The following FAM50A variants were observed in gnomAD, a reference collection of about 807,000 sequenced individuals.
The protein encoded by FAM50A is family with sequence similarity 50 member A.
A neutral mutation model predicts 35.5 loss-of-function variants in FAM50A; 6 were observed. The observed-to-expected ratio is 0.17, with a 90% CI of 0.09 to 0.33. The LOEUF (loss-of-function observed/expected upper bound fraction) is 0.33. FAM50A is among the 10% of genes least tolerant of loss of function. FAM50A has a pLI of 1.00. For missense variants in FAM50A, 145 were observed against 295.5 expected, an observed-to-expected ratio of 0.49 and a Z score of 3.73; for synonymous variants, 120 against 110.9, an observed-to-expected ratio of 1.08 and a Z score of -0.52.
rs1557200464 is a variant in FAM50A at position 154,450,480 on chromosome X, C to T, written c.*48C>T. The T allele has an allele frequency of 8.4e-7, 1 of 1,185,848 alleles. No individual in the cohort carries two copies. Among genetic ancestry groups the T allele is most frequent in the South Asian group, 1.8e-5 (1 of 55,547 alleles). The stretch of plus-strand genomic sequence containing the variant: ...CCGGCTCCTCAGCTCCCTCAGTGTG[C>T]CCCGTGGTGTCACCGGGACTCCAGG... On this transcript the variant is annotated 3_prime_UTR_variant, in exon 13 of 13. Coordinates refer to ENST00000393600, the MANE Select transcript of FAM50A (RefSeq NM_004699.4).
At chrX:154,448,987 A>G (rs1047195720) in intron 7 of FAM50A, 33 bp downstream of exon 7, 17 of 1,164,133 alleles carry the variant, frequency 1.5e-5, no homozygotes, top group Non-Finnish European at 1.9e-5. Flanking sequence ...CCTGCTCACC[A>G]TGGGCCCAGC....
chrX:154,446,031 T>G (rs1378255347), intron 3 of FAM50A, 120 bp downstream of exon 3: 1 of 511,426 alleles, frequency 2.0e-6, no homozygotes, highest in Non-Finnish European at 3.3e-6. Context: ...AGGGGTAGCA[T>G]CTAGCTTGCG....
At chrX:154,448,421 C>A in intron 4 of FAM50A, 63 bp from the exon 5 acceptor site, 1 of 987,941 alleles carries the variant, frequency 1.0e-6, no homozygotes. Flanking sequence ...GGACCCTGGG[C>A]GTCGGCCATA....
intron 1 of FAM50A, chrX:154,444,591 G>A (rs1425538620): frequency 1.1e-5 from 2 of 186,299 alleles, no homozygotes; most frequent in African/African-American, 3.0e-5. Flanking sequence ...ACCGGCCTCC[G>A]GCAGGAGGGA....
chrX:154,449,358 C>T (rs2068795275), intron 8 of FAM50A, 61 bp downstream of exon 8: 3 of 953,059 alleles, frequency 3.1e-6, no homozygotes, highest in Non-Finnish European at 4.5e-6. Flanking sequence ...AGCCTGGGTG[C>T]CAGACACCCA....
In FAM50A at chrX:154,446,433, A is replaced by G; in HGVS notation, c.315A>G (p.Arg105=). Reference sequence around the variant, plus strand: ...TCACTAGGAAGCTGGAGAAGCTTCGAGAGAAGGAGCGTAAGAAGGAAGCCA... The same window carrying G: ...TCACTAGGAAGCTGGAGAAGCTTCGGGAGAAGGAGCGTAAGAAGGAAGCCA... The part of the protein sequence containing the change: ...KELQMKLEKL[R]EKERKKEAKR... Residue 105 remains arginine (R), a synonymous_variant, in exon 4 of 13, where the codon CGA becomes CGG. Transcript: ENST00000393600. The G allele has an allele frequency of 8.3e-7, 1 of 1,211,343 alleles. No individual in the cohort carries two copies. Among genetic ancestry groups the G allele is most frequent in the Non-Finnish European group, 1.1e-6 (1 of 895,058 alleles).
In FAM50A at chrX:154,449,897, C is replaced by T. The variant is rs367764750; in HGVS notation, c.795C>T (p.Tyr265=). The T allele has an allele frequency of 1.0e-4, 123 of 1,209,463 alleles. No individual in the cohort carries two copies. The highest frequency in any genetic ancestry group is 4.6e-4 in the Middle Eastern group (2 of 4,352). The part of the protein sequence containing the change: ...DLIIPHHHSF[Y]DFIVTKARGK... ...TTGGCTCCCAGCATCACAGCTTCTA[C>T]GACTTCATCGTCACCAAGGCACGGG... The change falls in exon 10 of 13, where the codon TAC becomes TAT. Residue 265 remains tyrosine, a synonymous_variant. Transcript: ENST00000393600.
chrX:154,449,373 G>A, intron 8 of FAM50A, 76 bp downstream of exon 8: 1 of 862,723 alleles, frequency 1.2e-6, no homozygotes, highest in Non-Finnish European at 1.7e-6. Context: ...CACCCAGTGT[G>A]ATGTGGGCGC....
Position 154,444,185 on chromosome X carries a change from CTGT to C in FAM50A, c.-50_-48del, listed in dbSNP as rs1297836033. ...ACCGCCGCTGCCGCTGCCGCTGTCG[CTGT>C]CGCCGCCGCCGCCGCCCGCCGCCGC... On this transcript the variant is annotated 5_prime_UTR_variant, in exon 1 of 13. Transcript: ENST00000393600. The C allele has an allele frequency of 1.0e-5, 5 of 482,044 alleles. No individual in the cohort carries two copies. The highest frequency in any genetic ancestry group is 8.7e-5 in the Admixed American group (1 of 11,535). 39.7% of individuals were successfully genotyped at this position (482,044 alleles called of 1,213,427 possible). A position where few individuals can be genotyped will look rare whatever the true frequency, so the allele number is the denominator to read the frequency against.
At chrX:154,448,624 G>A (rs1339516082) in intron 5 of FAM50A, 64 bp downstream of exon 5, 4 of 1,183,125 alleles carry the variant, frequency 3.4e-6, no homozygotes, top group Non-Finnish European at 4.6e-6. Flanking sequence ...CTTGCTTAGG[G>A]AGCCAGGCTC....
chrX:154,445,166 G>C (rs1259297558), intron 1 of FAM50A, among the ~76,000 whole-genome samples: 1 of 111,506 alleles, frequency 9.0e-6, no homozygotes, highest in African/African-American at 3.3e-5. Context: ...GTCAGCGAGG[G>C]CTTGACATGG....
chrX:154,445,745 C>G, intron 2 of FAM50A, 28 bp downstream of exon 2: 1 of 1,188,030 alleles, frequency 8.4e-7, no homozygotes, highest in Non-Finnish European at 1.1e-6. Context: ...GCCCCTCACC[C>G]GGGCCCCGGG....
chrX:154,444,195 C>T lies in FAM50A; in HGVS notation c.-41C>T, dbSNP rs2068771200. On this transcript the variant is annotated 5_prime_UTR_variant, in exon 1 of 13. Coordinates refer to ENST00000393600, the MANE Select transcript of FAM50A (RefSeq NM_004699.4). ...CCGCTGCCGCTGTCGCTGTCGCCGC[C>T]GCCGCCGCCCGCCGCCGCCGCCGCC... 1.7e-6 allele frequency: 1 copy of T among 575,073 alleles called. No homozygotes were observed. Among genetic ancestry groups the T allele is most frequent in the Non-Finnish European group, 2.1e-6 (1 of 467,367 alleles). The allele number at this position is 575,073 out of a possible 1,213,427, so 47.4% of individuals were successfully genotyped here.
Position 154,445,871 on chromosome X carries a change from A to C in FAM50A, c.256A>C (p.Lys86Gln). ...GGAGGCTCTGGTGAAGGAGCGGGAGAAGCAGCTGGCCAAGAAGGAGCAGTC... is the reference window on the plus strand; with the variant it reads ...GGAGGCTCTGGTGAAGGAGCGGGAGCAGCAGCTGGCCAAGAAGGAGCAGTC... ...KQEALVKERE[K>Q]QLAKKEQSKE... is the part of the protein sequence containing the mutation. Residue 86 changes from lysine (K) to glutamine (Q), a missense_variant, in exon 3 of 13, where the codon AAG becomes CAG. By Grantham distance (53) the Lys-to-Gln change is moderately conservative. Coordinates refer to ENST00000393600, the MANE Select transcript of FAM50A (RefSeq NM_004699.4). 1 of 1,210,553 alleles carries C rather than the reference A, an allele frequency of 8.3e-7. No homozygotes were observed.
intron 4 of FAM50A, among the ~76,000 whole-genome samples, chrX:154,447,391 G>A (rs1322709779): frequency 9.0e-6 from 1 of 111,396 alleles, no homozygotes; most frequent in Non-Finnish European, 1.9e-5. Flanking sequence ...GTAACAGGCT[G>A]GGTGCCATGG....
At position 154,448,762 on chromosome X, in the gene FAM50A, T is replaced by C. The variant is rs782746086; in HGVS notation, c.586+6T>C. On this transcript the variant is annotated splice_donor_region_variant and intron_variant, in intron 6 of 12. Coordinates refer to ENST00000393600, the MANE Select transcript of FAM50A (RefSeq NM_004699.4). Reference sequence around the variant, plus strand: ...CAAGCAGGAGAAGATCAAGAGTGAGTGTTTGCGGAGTCAGACGCGAGGGGC... The same window carrying C: ...CAAGCAGGAGAAGATCAAGAGTGAGCGTTTGCGGAGTCAGACGCGAGGGGC... 5.0e-6 allele frequency: 6 copies of C among 1,205,339 alleles called. No individual in the cohort carries two copies. Among genetic ancestry groups the C allele is most frequent in the Non-Finnish European group, 6.7e-6 (6 of 892,725 alleles).
rs1431603005 is a variant in FAM50A at position 154,450,576 on chromosome X, C to G, written c.*144C>G. The G allele has an allele frequency of 1.9e-5, 10 of 537,428 alleles. No individual in the cohort carries two copies. Among genetic ancestry groups the G allele is most frequent in the Non-Finnish European group, 3.1e-5 (10 of 327,539 alleles). The allele number at this position is 537,428 out of a possible 1,213,427, so 44.3% of individuals were successfully genotyped here. A position where few individuals can be genotyped will look rare whatever the true frequency, so the allele number is the denominator to read the frequency against. Reference sequence around the variant, plus strand: ...GCAGCTGCTCGTGTCCTGCCCCTGCCACATCAGTGACTGCTTTATTCTTTT... The same window carrying G: ...GCAGCTGCTCGTGTCCTGCCCCTGCGACATCAGTGACTGCTTTATTCTTTT... On this transcript the variant is annotated 3_prime_UTR_variant, in exon 13 of 13. Transcript: ENST00000393600.
intron 3 of FAM50A, 64 bp downstream of exon 3, chrX:154,445,975 G>A (rs1557199774): frequency 1.1e-6 from 1 of 890,590 alleles, no homozygotes; most frequent in African/African-American, 2.0e-5. Context: ...TGGCTGGTCG[G>A]GCTCTTTTTG....
At chrX:154,449,095 G>A in intron 7 of FAM50A, 126 bp from the exon 8 acceptor site, 3 of 877,071 alleles carry the variant, frequency 3.4e-6, no homozygotes, top group Non-Finnish European at 4.9e-6. Flanking sequence ...CCCTGTCTGG[G>A]GAGTGAGGCC....
Sources: gnomAD v4.1 joint callset for allele counts (sites outside exome capture counted in the v4.1 genomes callset) on GRCh38, gnomAD v4.1.1 for gene constraint, MANE v1.5 for transcripts, NCBI Gene and HGNC (gene_info 2026-07-23, HGNC 2026-07-21) for gene names.